The following PDE8A variants were observed in gnomAD, a reference collection of about 807,000 sequenced individuals.
PDE8A encodes the protein high affinity cAMP-specific and IBMX-insensitive 3',5'-cyclic phosphodiesterase 8A.
In PDE8A, 59 loss-of-function variants were observed where a neutral mutation model predicts 105.0. The ratio of observed to expected loss-of-function variants is 0.56; its 90% confidence interval spans 0.46 to 0.70. The LOEUF (loss-of-function observed/expected upper bound fraction) is 0.70, where lower values mean the gene tolerates loss of function less well. PDE8A is among the 30% of genes least tolerant of loss of function. The pLI is 0.00. For synonymous variants in PDE8A, 355 were observed against 371.9 expected, an observed-to-expected ratio of 0.95 and a Z score of 0.52; for missense variants, 1,014 against 1,045.9, an observed-to-expected ratio of 0.97 and a Z score of 0.42.
Position 84,982,201 on chromosome 15 carries a change from G to A in PDE8A, c.39G>A (p.Leu13=), listed in dbSNP as rs1224048773. 3 of 1,485,718 alleles carry A rather than the reference G, an allele frequency of 2.0e-6. No homozygotes were observed. Among genetic ancestry groups the A allele is most frequent in the African/African-American group, 1.5e-5 (1 of 68,476 alleles). The allele number at this position is 1,485,718 out of a possible 1,614,324, so 92.0% of individuals were successfully genotyped here. A position where few individuals can be genotyped will look rare whatever the true frequency, so the allele number is the denominator to read the frequency against. The part of the protein sequence containing the change: ...CAPSIHISER[L]VAEDAPSPAA... ...CGAGCATCCACATTTCCGAGCGCCT[G>A]GTGGCCGAGGACGCGCCTAGCCCCG... The change falls in exon 1 of 22, where the codon CTG becomes CTA. Residue 13 remains leucine (L), a synonymous_variant. Coordinates refer to ENST00000394553, the MANE Select transcript of PDE8A (RefSeq NM_002605.3).
intron 12 of PDE8A, among the ~76,000 whole-genome samples, chr15:85,111,566 G>A (rs1440276654): frequency 1.3e-5 from 2 of 152,156 alleles, no homozygotes; most frequent in African/African-American, 4.8e-5. Flanking sequence ...GTTTGTTTAC[G>A]CTTGTACCAA....
chr15:85,102,311 A>AG (rs1258386877), intron 11 of PDE8A, among the ~76,000 whole-genome samples: 2 of 152,006 alleles, frequency 1.3e-5, no homozygotes, highest in Non-Finnish European at 2.9e-5. Context: ...ATAGGGAGGG[A>AG]GGGGGATATG....
chr15:85,082,031 C>G (rs982877467), intron 5 of PDE8A, among the ~76,000 whole-genome samples: 1 of 152,088 alleles, frequency 6.6e-6, no homozygotes, highest in Non-Finnish European at 1.5e-5. Flanking sequence ...CTCAAGGCCC[C>G]GATTCCATGT....
chr15:85,003,498 C>T (rs952821524), intron 1 of PDE8A, among the ~76,000 whole-genome samples: 1 of 152,162 alleles, frequency 6.6e-6, no homozygotes, highest in Non-Finnish European at 1.5e-5. Flanking sequence ...GGGAGCGCCC[C>T]TCAGAGGAGG....
At chr15:85,055,599 T>A (rs1475972048) in intron 1 of PDE8A, among the ~76,000 whole-genome samples, 1 of 152,238 alleles carries the variant, frequency 6.6e-6, no homozygotes, top group Non-Finnish European at 1.5e-5. Flanking sequence ...TTTGTTGGTT[T>A]AAAGTCTGTT....
intron 1 of PDE8A, among the ~76,000 whole-genome samples, chr15:85,055,062 G>A (rs1395137203): frequency 1.3e-5 from 2 of 152,016 alleles, no homozygotes; most frequent in African/African-American, 2.4e-5. Flanking sequence ...CCTTCATTTC[G>A]TTATGTATCC....
chr15:84,987,119 T>C (rs935720563), intron 1 of PDE8A, among the ~76,000 whole-genome samples: 2 of 152,262 alleles, frequency 1.3e-5, no homozygotes, highest in Non-Finnish European at 2.9e-5. Flanking sequence ...TCTCTAGAGC[T>C]CAGGGGTTGT....
chr15:85,092,108 C>T (rs546304464), intron 8 of PDE8A, among the ~76,000 whole-genome samples: 110 of 152,090 alleles, frequency 7.2e-4, no homozygotes, highest in African/African-American at 2.1e-3. Context: ...CTGTGCAAAG[C>T]TTATACTCCG....
At position 85,107,313 on chromosome 15, in the gene PDE8A, G is replaced by A. The variant is rs145483124; in HGVS notation, c.1037-1740G>A. ...GAGGTGCAGACCTCATAGGACTCTG[G>A]GTGCCACACTGAGGAGTTTGAATCT... On this transcript the variant is annotated intron_variant, in intron 11 of 21. Transcript: ENST00000394553. 8.5e-3 allele frequency among the ~76,000 whole-genome samples: 1,290 copies of A among 152,306 alleles called. 16 individuals carry two copies. Among genetic ancestry groups the A allele is most frequent in the Non-Finnish European group, 8.9e-3 (603 of 68,026 alleles).
intron 14 of PDE8A, chr15:85,115,230 C>A: frequency 1.9e-6 from 1 of 513,576 alleles, no homozygotes; most frequent in Non-Finnish European, 3.4e-6. Context: ...CCAGGACCAT[C>A]CTTCCCAGCA....
intron 17 of PDE8A, among the ~76,000 whole-genome samples, chr15:85,118,530 C>G (rs1175310791): frequency 6.6e-6 from 1 of 152,194 alleles, no homozygotes; most frequent in Non-Finnish European, 1.5e-5. Flanking sequence ...CCAATGTGAT[C>G]TTTCTGAAAC....
chr15:85,074,696 G>A (rs139111552), intron 3 of PDE8A, among the ~76,000 whole-genome samples: 19 of 152,332 alleles, frequency 1.2e-4, no homozygotes, highest in Non-Finnish European at 1.8e-4. Context: ...GGCATCCATC[G>A]TGCATGATGA....
intron 5 of PDE8A, 152 bp from the exon 6 acceptor site, chr15:85,083,404 A>G: frequency 2.0e-6 from 1 of 512,802 alleles, no homozygotes; most frequent in Non-Finnish European, 3.5e-6. Context: ...GTGCCCATAA[A>G]GTTTCTCTCT....
chr15:84,986,095 C>T (rs1285205526), intron 1 of PDE8A, among the ~76,000 whole-genome samples: 1 of 152,064 alleles, frequency 6.6e-6, no homozygotes, highest in Admixed American at 6.5e-5. Flanking sequence ...GGCATGGCAC[C>T]GCACACCTTT....
At chr15:85,049,116 A>C (rs1027456140) in intron 1 of PDE8A, among the ~76,000 whole-genome samples, 10 of 152,196 alleles carry the variant, frequency 6.6e-5, no homozygotes, top group Non-Finnish European at 1.3e-4. Context: ...AATAAAAAAT[A>C]AAATAAAAAA....
intron 11 of PDE8A, among the ~76,000 whole-genome samples, chr15:85,106,290 G>C (rs768312848): frequency 6.6e-6 from 1 of 151,886 alleles, no homozygotes; most frequent in Non-Finnish European, 1.5e-5. Context: ...ACTCCCTTGA[G>C]AATCTGCCAC....
At chr15:85,036,854 A>G (rs989610823) in intron 1 of PDE8A, among the ~76,000 whole-genome samples, 1 of 152,102 alleles carries the variant, frequency 6.6e-6, no homozygotes, top group Admixed American at 6.5e-5. Context: ...GTCGTCTTCT[A>G]ACAGCACTGG....
In PDE8A at chr15:84,998,746, A is replaced by G. The variant is rs2080019314; in HGVS notation, c.186+16398A>G. 3.3e-5 allele frequency among the ~76,000 whole-genome samples: 5 copies of G among 152,256 alleles called. No individual in the cohort carries two copies. In the South Asian group the frequency reaches 8.3e-4, roughly 25 times the overall value. ...TGCCCTGTCTTTTTGTTATTCTAGA[A>G]TTAAGAAATAGGGTCTTAAAAAGCC... On this transcript the variant is annotated intron_variant, in intron 1 of 21. Coordinates refer to ENST00000394553, the MANE Select transcript of PDE8A (RefSeq NM_002605.3).
intron 1 of PDE8A, among the ~76,000 whole-genome samples, chr15:84,983,048 G>GT (rs1301262049): frequency 1.3e-5 from 2 of 152,022 alleles, no homozygotes; most frequent in Non-Finnish European, 2.9e-5. Context: ...GGGGTTTTTT[G>GT]TTTTTTTACA....
Sources: allele counts gnomAD v4.1 joint callset (sites outside exome capture counted in the v4.1 genomes callset), GRCh38; gene constraint gnomAD v4.1.1; transcripts MANE v1.5; gene names NCBI Gene and HGNC (gene_info 2026-07-23, HGNC 2026-07-21).